Variants in ZCCHC7 observed in about 807,000 individuals in gnomAD.
ZCCHC7 encodes the protein zinc finger CCHC domain-containing protein 7.
A neutral mutation model predicts 52.0 loss-of-function variants in ZCCHC7; 35 were observed. That is an observed-to-expected ratio of 0.67 (90% CI 0.51 to 0.89). ZCCHC7 has a LOEUF of 0.89. Among genes scored for constraint, ZCCHC7 ranks in the 40% least tolerant of loss-of-function variants. The pLI, the probability that ZCCHC7 is intolerant of heterozygous loss-of-function variation, is 0.00. For missense variants in ZCCHC7, 574 were observed against 649.1 expected (o/e 0.88, Z 1.26); for synonymous variants, 217 against 221.5 (o/e 0.98, Z 0.18).
At chr9:37,321,571 C>T (rs2118028640) in intron 5 of ZCCHC7, among the ~76,000 whole-genome samples, 1 of 152,200 alleles carries the variant, frequency 6.6e-6, no homozygotes, top group African/African-American at 2.4e-5. Flanking sequence ...TGAGACCAGC[C>T]TAGGCACCAT....
At chr9:37,251,631 T>C (rs1204528938) in intron 2 of ZCCHC7, among the ~76,000 whole-genome samples, 1 of 152,194 alleles carries the variant, frequency 6.6e-6, no homozygotes, top group Non-Finnish European at 1.5e-5. Context: ...TTGAAAGTTG[T>C]ATTTAATCAG....
chr9:37,254,837 C>CTTTTTTTTTTTTTTTTTTTTTTTTT (rs59489076), intron 2 of ZCCHC7, among the ~76,000 whole-genome samples: 8 of 93,472 alleles, frequency 8.6e-5, no homozygotes, highest in African/African-American at 1.2e-4. Context: ...CAAAAAGTTT[C>CTTTTTTTTTTTTTTTTTTTTTTTTT]TTTTTTTTTT....
chr9:37,344,876 G>C (rs1247973633), intron 6 of ZCCHC7, among the ~76,000 whole-genome samples: 1 of 152,124 alleles, frequency 6.6e-6, no homozygotes, highest in East Asian at 1.9e-4. Context: ...AATTAATGAA[G>C]GAATGCATGC....
chr9:37,153,611 CCTTTCTTT>C (rs751972020), intron 2 of ZCCHC7, among the ~76,000 whole-genome samples: 3 of 151,558 alleles, frequency 2.0e-5, no homozygotes, highest in Admixed American at 6.6e-5. Flanking sequence ...CTGCACCTGG[CCTTTCTTT>C]CTTTCTTTCT....
chr9:37,265,687 G>A (rs2133468137), intron 2 of ZCCHC7, among the ~76,000 whole-genome samples: 1 of 152,190 alleles, frequency 6.6e-6, no homozygotes, highest in South Asian at 2.1e-4. Flanking sequence ...CCATATTGCT[G>A]TTGGACTGAT....
At chr9:37,345,143 C>T (rs148072490) in intron 6 of ZCCHC7, among the ~76,000 whole-genome samples, 2 of 152,324 alleles carry the variant, frequency 1.3e-5, no homozygotes, top group Non-Finnish European at 1.5e-5. Flanking sequence ...TTTGCTAAGT[C>T]CAGTGGATTT....
At chr9:37,235,202 G>A (rs150445474) in intron 2 of ZCCHC7, among the ~76,000 whole-genome samples, 215 of 152,234 alleles carry the variant, frequency 1.4e-3, no homozygotes, top group African/African-American at 4.9e-3. Context: ...CAGAAAACTA[G>A]AACTTATTCC....
At chr9:37,302,730 G>A (rs1829092639) in intron 3 of ZCCHC7, among the ~76,000 whole-genome samples, 1 of 152,148 alleles carries the variant, frequency 6.6e-6, no homozygotes, top group African/African-American at 2.4e-5. Flanking sequence ...TTTAAAGATG[G>A]AATTCTACCA....
chr9:37,164,486 TAGATAGATAGATAGACAGACA>T (rs895480938), intron 2 of ZCCHC7, among the ~76,000 whole-genome samples: 4 of 144,088 alleles, frequency 2.8e-5, no homozygotes, highest in Non-Finnish European at 6.0e-5. Flanking sequence ...GATAGATAGA[TAGATAGATAGATAGACAGACA>T]AGATAGATAG....
At chr9:37,264,445 A>C (rs929082547) in intron 2 of ZCCHC7, among the ~76,000 whole-genome samples, 1 of 128,334 alleles carries the variant, frequency 7.8e-6, no homozygotes, top group Admixed American at 7.5e-5. Flanking sequence ...ACTGATGAAG[A>C]TATTTTAAAT....
intron 2 of ZCCHC7, among the ~76,000 whole-genome samples, chr9:37,194,047 C>T (rs1823156242): frequency 1.3e-5 from 2 of 152,158 alleles, no homozygotes; most frequent in Admixed American, 6.5e-5. Context: ...TCCTCTCTGG[C>T]ACTTAACTTG....
chr9:37,247,533 G>A (rs1826130892), intron 2 of ZCCHC7, among the ~76,000 whole-genome samples: 1 of 152,114 alleles, frequency 6.6e-6, no homozygotes, highest in Non-Finnish European at 1.5e-5. Context: ...CCAGAATGTT[G>A]TACTGTTTCT....
At chr9:37,327,278 G>C (rs1265463992) in intron 5 of ZCCHC7, 1 of 146,288 alleles carries the variant, frequency 6.8e-6, no homozygotes, top group Admixed American at 6.8e-5. Flanking sequence ...AGTCGTTTTT[G>C]TTCTTGTTGT....
In ZCCHC7 at chr9:37,357,476, A is replaced by G; in HGVS notation, c.*208A>G. ...GGATATTAGGTAAGAAAGTACAAAG[A>G]TAAACCTGGACTTCTCCTATTCCAA... On this transcript the variant is annotated 3_prime_UTR_variant, in exon 9 of 9. Transcript: ENST00000336755. 2 of 386,918 alleles carry G rather than the reference A, an allele frequency of 5.2e-6. No individual in the cohort carries two copies. The highest frequency in any genetic ancestry group is 9.0e-6 in the Non-Finnish European group (2 of 221,670). The allele number at this position is 386,918 out of a possible 1,614,324, so 24.0% of individuals were successfully genotyped here. A position where few individuals can be genotyped will look rare whatever the true frequency, so the allele number is the denominator to read the frequency against.
At chr9:37,328,801 A>G (rs1308081446) in intron 6 of ZCCHC7, among the ~76,000 whole-genome samples, 2 of 151,966 alleles carry the variant, frequency 1.3e-5, no homozygotes, top group Admixed American at 6.6e-5. Context: ...CACAGGCCCA[A>G]GAGGCCATAA....
chr9:37,147,176 C>T lies in ZCCHC7; in HGVS notation c.610+20234C>T, dbSNP rs570076609. On this transcript the variant is annotated intron_variant, in intron 2 of 8. Coordinates refer to ENST00000336755, the MANE Select transcript of ZCCHC7 (RefSeq NM_032226.3). ...AATAATTGCAATATTAAAAAGTTAG[C>T]CCCGATAATTTCTACCCAAACACCT... is the stretch of plus-strand genomic sequence containing the variant. Among the ~76,000 whole-genome samples the T allele has an allele frequency of 2.6e-4, 40 of 151,870 alleles. 1 individual carries two copies. Among genetic ancestry groups the T allele is most frequent in the African/African-American group, 9.2e-4 (38 of 41,484 alleles).
At chr9:37,203,532 A>G (rs975684225) in intron 2 of ZCCHC7, among the ~76,000 whole-genome samples, 11 of 152,074 alleles carry the variant, frequency 7.2e-5, no homozygotes, top group Middle Eastern at 6.8e-3. Flanking sequence ...TTCAACTCCC[A>G]CTTATGCATG....
chr9:37,132,002 T>G (rs543903936), intron 2 of ZCCHC7, among the ~76,000 whole-genome samples: 1 of 152,312 alleles, frequency 6.6e-6, no homozygotes, highest in Admixed American at 6.5e-5. Flanking sequence ...CTCTTTTCCT[T>G]TACTTCCTTT....
Position 37,320,383 on chromosome 9 carries a change from C to T in ZCCHC7, c.952-7416C>T, listed in dbSNP as rs542560379. Among the ~76,000 whole-genome samples, 124 of 152,280 alleles carry T rather than the reference C, an allele frequency of 8.1e-4. 1 individual carries two copies. Among genetic ancestry groups the T allele is most frequent in the African/African-American group, 2.8e-3 (115 of 41,574 alleles). On this transcript the variant is annotated intron_variant, in intron 5 of 8. Transcript: ENST00000336755. ...ATGAGCCACCGCACCTGGCCAACTT[C>T]GGTTATTTTTTACAAAATAACTTTT...
Sources: allele counts gnomAD v4.1 joint callset (sites outside exome capture counted in the v4.1 genomes callset), GRCh38; gene constraint gnomAD v4.1.1; transcripts MANE v1.5; gene names NCBI Gene and HGNC (gene_info 2026-07-23, HGNC 2026-07-21).